IGSF21: variants seen among roughly 807,000 people sequenced by gnomAD.
The protein encoded by IGSF21 is immunoglobulin superfamily member 21.
A neutral mutation model predicts 46.8 loss-of-function variants in IGSF21; 28 were observed. The observed-to-expected ratio is 0.60, with a 90% CI of 0.44 to 0.82. The LOEUF (loss-of-function observed/expected upper bound fraction) is 0.82. Ranked by LOEUF, IGSF21 falls within the 40% of genes least tolerant of loss-of-function variation. The probability of loss-of-function intolerance (pLI) is 0.00; values close to 1 mark genes in which losing one functional copy is unlikely to be tolerated. For synonymous variants in IGSF21, 284 were observed against 273.6 expected (o/e 1.04, Z -0.38); for missense variants, 624 against 665.5 (o/e 0.94, Z 0.69).
chr1:18,191,236 C>T (rs374113928), intron 1 of IGSF21, among the ~76,000 whole-genome samples: 37 of 152,276 alleles, frequency 2.4e-4, no homozygotes, highest in East Asian at 1.9e-3. Context: ...CACTTGCCCT[C>T]TCTGAGCCTC....
At position 18,180,069 on chromosome 1, in the gene IGSF21, C is replaced by T. The variant is rs146456185; in HGVS notation, c.71-47829C>T. 2.6e-3 allele frequency among the ~76,000 whole-genome samples: 395 copies of T among 152,266 alleles called. 1 individual carries two copies. The highest frequency in any genetic ancestry group is 4.6e-3 in the African/African-American group (191 of 41,552). On this transcript the variant is annotated intron_variant, in intron 1 of 9. Coordinates refer to ENST00000251296, the MANE Select transcript of IGSF21 (RefSeq NM_032880.5). ...GTGAGGTTCTTCCTGGCTTTTGGAT[C>T]GAAATAGCCCCTCTACTCCCTTTAT... is the stretch of plus-strand genomic sequence containing the variant.
At chr1:18,377,468 G>A in intron 9 of IGSF21, 37 bp downstream of exon 9, 1 of 1,578,426 alleles carries the variant, frequency 6.3e-7, no homozygotes. Flanking sequence ...GCTTAAAAGG[G>A]AGTGGCTTTT....
At chr1:18,173,410 C>A (rs2086761878) in intron 1 of IGSF21, among the ~76,000 whole-genome samples, 1 of 152,226 alleles carries the variant, frequency 6.6e-6, no homozygotes, top group South Asian at 2.1e-4. Context: ...TGTGTAAACA[C>A]CACCACAGTC....
intron 4 of IGSF21, among the ~76,000 whole-genome samples, chr1:18,352,254 C>T (rs1449036647): frequency 6.6e-6 from 1 of 152,182 alleles, no homozygotes; most frequent in Non-Finnish European, 1.5e-5. Context: ...TACTATGAAC[C>T]AAGCCCTTAG....
At chr1:18,132,894 A>T (rs895522062) in intron 1 of IGSF21, among the ~76,000 whole-genome samples, 1 of 103,404 alleles carries the variant, frequency 9.7e-6, no homozygotes, top group Non-Finnish European at 2.0e-5. Flanking sequence ...GCAGAAACAG[A>T]GGCTCTGAGC....
intron 3 of IGSF21, among the ~76,000 whole-genome samples, chr1:18,332,095 T>TGTG (rs1473370848): frequency 3.3e-5 from 5 of 152,252 alleles, no homozygotes; most frequent in African/African-American, 1.2e-4. Flanking sequence ...AGATGTCACC[T>TGTG]ACATGTGTCA....
At chr1:18,137,458 G>A (rs149401196) in intron 1 of IGSF21, among the ~76,000 whole-genome samples, 3 of 152,276 alleles carry the variant, frequency 2.0e-5, no homozygotes, top group East Asian at 3.9e-4. Context: ...CTAAGAGATT[G>A]GAGCCACTGT....
chr1:18,212,155 C>T (rs555316337), intron 1 of IGSF21, among the ~76,000 whole-genome samples: 11 of 152,354 alleles, frequency 7.2e-5, no homozygotes, highest in Non-Finnish European at 1.5e-4. Context: ...CCCCGGGTGC[C>T]GGGCACAGTG....
chr1:18,299,699 G>A (rs1164123507), intron 3 of IGSF21, among the ~76,000 whole-genome samples: 2 of 152,184 alleles, frequency 1.3e-5, no homozygotes, highest in Admixed American at 6.5e-5. Flanking sequence ...CTGGAAACCC[G>A]TTCCTCTCTC....
intron 3 of IGSF21, among the ~76,000 whole-genome samples, chr1:18,306,975 G>C (rs946510391): frequency 2.6e-5 from 4 of 152,348 alleles, no homozygotes; most frequent in South Asian, 2.1e-4. Flanking sequence ...TCAGCCGATT[G>C]GTTCTGCGTA....
intron 1 of IGSF21, among the ~76,000 whole-genome samples, chr1:18,200,368 A>C (rs1323192035): frequency 6.6e-6 from 1 of 152,154 alleles, no homozygotes; most frequent in Non-Finnish European, 1.5e-5. Flanking sequence ...AAAACAGCAG[A>C]AGTTATTGTT....
chr1:18,372,632 AGATGGATG>A (rs779856968), intron 6 of IGSF21, among the ~76,000 whole-genome samples: 1 of 135,204 alleles, frequency 7.4e-6, no homozygotes. Context: ...ATGGATGGAT[AGATGGATG>A]GATGGATGGA....
chr1:18,150,579 T>A (rs2086513443), intron 1 of IGSF21, among the ~76,000 whole-genome samples: 1 of 152,158 alleles, frequency 6.6e-6, no homozygotes. Flanking sequence ...GAGATGGGCT[T>A]AAGGGGCTAG....
At chr1:18,161,247 G>A (rs1330440868) in intron 1 of IGSF21, among the ~76,000 whole-genome samples, 2 of 152,148 alleles carry the variant, frequency 1.3e-5, no homozygotes, top group African/African-American at 4.8e-5. Context: ...AACGAGAAGG[G>A]AAAGCCAGCA....
chr1:18,228,902 A>G (rs998926344), intron 2 of IGSF21, among the ~76,000 whole-genome samples: 5 of 152,238 alleles, frequency 3.3e-5, no homozygotes, highest in Non-Finnish European at 5.9e-5. Flanking sequence ...AGCCACAGAC[A>G]GTGTGTAAAT....
chr1:18,108,598 GGTGT>G (rs777447662), intron 1 of IGSF21, among the ~76,000 whole-genome samples: 32 of 151,806 alleles, frequency 2.1e-4, no homozygotes, highest in Non-Finnish European at 3.8e-4. Context: ...ACATGGAGAA[GGTGT>G]GTGTGTGAGA....
chr1:18,206,988 G>A (rs939012610), intron 1 of IGSF21, among the ~76,000 whole-genome samples: 5 of 152,138 alleles, frequency 3.3e-5, no homozygotes, highest in South Asian at 4.1e-4. Context: ...CTCTACTCTG[G>A]GGCTCACAAG....
At chr1:18,116,374 G>T (rs541232077) in intron 1 of IGSF21, among the ~76,000 whole-genome samples, 3 of 152,286 alleles carry the variant, frequency 2.0e-5, no homozygotes, top group African/African-American at 4.8e-5. Flanking sequence ...GGCTCCTGTT[G>T]TCCACCACTT....
chr1:18,345,369 T>G (rs1312626995), intron 4 of IGSF21, among the ~76,000 whole-genome samples: 2 of 152,094 alleles, frequency 1.3e-5, no homozygotes, highest in Admixed American at 1.3e-4. Flanking sequence ...AATAAAAGTG[T>G]TTAATGTTTG....
Sources: gnomAD v4.1 joint callset for allele counts (sites outside exome capture counted in the v4.1 genomes callset) on GRCh38, gnomAD v4.1.1 for gene constraint, MANE v1.5 for transcripts, NCBI Gene and HGNC (gene_info 2026-07-23, HGNC 2026-07-21) for gene names.